PRIM2: variants seen among roughly 807,000 people sequenced by gnomAD.
PRIM2 encodes DNA primase large subunit.
Under a neutral mutation model 67.3 loss-of-function variants are expected in PRIM2, and 39 were observed. The observed-to-expected ratio is 0.58, with a 90% CI of 0.45 to 0.76. The LOEUF is 0.76. PRIM2 is among the 30% of genes least tolerant of loss of function. The pLI is 0.00. For missense variants in PRIM2, 398 were observed against 598.7 expected (o/e 0.66, Z 3.50); for synonymous variants, 143 against 198.7 (o/e 0.72, Z 2.36).
Position 57,400,968 on chromosome 6 carries a change from C to T in PRIM2, c.693+18800C>T, listed in dbSNP as rs1414040388. 8.5e-5 allele frequency among the ~76,000 whole-genome samples: 13 copies of T among 152,148 alleles called. No homozygotes were observed. In the East Asian group the frequency reaches 2.5e-3, roughly 29 times the overall value. On this transcript the variant is annotated intron_variant, in intron 7 of 13. Transcript: ENST00000615550. ...TTATTCAGCCCTGTCAGATGCGTTA[C>T]GTTCTTTTTTATACTGGCTATTTCC...
chr6:57,557,897 C>T (rs1224241401), intron 10 of PRIM2, among the ~76,000 whole-genome samples: 2 of 151,730 alleles, frequency 1.3e-5, no homozygotes, highest in Non-Finnish European at 2.9e-5. Context: ...TCTTTGGAGA[C>T]AGATACCACA....
At chr6:57,550,510 G>T (rs1352412778) in intron 10 of PRIM2, among the ~76,000 whole-genome samples, 1 of 151,910 alleles carries the variant, frequency 6.6e-6, no homozygotes, top group Non-Finnish European at 1.5e-5. Flanking sequence ...CACTATTCTG[G>T]CAAAAATTAG....
intron 8 of PRIM2, among the ~76,000 whole-genome samples, chr6:57,531,678 G>C (rs1453846279): frequency 6.6e-6 from 1 of 151,998 alleles, no homozygotes; most frequent in African/African-American, 2.4e-5. Context: ...ATGGTGCGGT[G>C]AAAAAATGGG....
chr6:57,289,582 G>T, the PRIM2 span, among the ~76,000 whole-genome samples: 3 of 152,180 alleles, frequency 2.0e-5, no homozygotes. Context: ...ACAAAGGGAA[G>T]CCCATCAGAC....
intron 5 of PRIM2, among the ~76,000 whole-genome samples, chr6:57,357,921 G>A (rs1769088450): frequency 2.0e-5 from 3 of 151,982 alleles, no homozygotes; most frequent in Non-Finnish European, 2.9e-5. Context: ...TGTACTTGAG[G>A]GTTATCACCC....
intron 5 of PRIM2, among the ~76,000 whole-genome samples, chr6:57,375,176 C>T (rs77068081): frequency 6.0e-4 from 91 of 152,218 alleles, no homozygotes; most frequent in Middle Eastern, 3.4e-3. Context: ...CAGCTTTTGC[C>T]CATTCAGTAT....
intron 7 of PRIM2, among the ~76,000 whole-genome samples, chr6:57,502,348 A>G (rs1554346945): frequency 2.0e-5 from 3 of 152,080 alleles, no homozygotes; most frequent in Non-Finnish European, 4.4e-5. Flanking sequence ...CAGTTTCCAC[A>G]CAACAGTTTA....
the PRIM2 span, among the ~76,000 whole-genome samples, chr6:57,250,618 A>T: frequency 6.6e-6 from 1 of 152,234 alleles, no homozygotes; most frequent in African/African-American, 2.4e-5. Flanking sequence ...ACAGTTAGTT[A>T]GCCGTATGAA....
the PRIM2 span, among the ~76,000 whole-genome samples, chr6:57,223,236 A>G: frequency 3.3e-5 from 5 of 152,136 alleles, no homozygotes; most frequent in African/African-American, 1.2e-4. Context: ...AACTACAAAA[A>G]CAGAAGAACT....
intron 8 of PRIM2, among the ~76,000 whole-genome samples, chr6:57,530,992 C>G (rs1222214651): frequency 6.6e-6 from 1 of 152,124 alleles, no homozygotes; most frequent in African/African-American, 2.4e-5. Flanking sequence ...TGTGAGCCAG[C>G]TATATTGTGG....
At chr6:57,321,933 CA>C (rs1182650619) in intron 3 of PRIM2, among the ~76,000 whole-genome samples, 1 of 152,006 alleles carries the variant, frequency 6.6e-6, no homozygotes, top group Non-Finnish European at 1.5e-5. Flanking sequence ...CTTTTAACCA[CA>C]ATAGTTTCAG....
chr6:57,335,361 C>T (rs1768197082), intron 5 of PRIM2, among the ~76,000 whole-genome samples: 1 of 152,272 alleles, frequency 6.6e-6, no homozygotes, highest in African/African-American at 2.4e-5. Context: ...GAGCCCACCA[C>T]AGCTCAAGGA....
intron 5 of PRIM2, among the ~76,000 whole-genome samples, chr6:57,359,563 T>C (rs1769132289): frequency 6.6e-6 from 1 of 152,204 alleles, no homozygotes; most frequent in Admixed American, 6.5e-5. Flanking sequence ...TTTTAAACTG[T>C]TAAGTTTTGG....
chr6:57,470,930 G>A (rs1182567324), intron 7 of PRIM2, among the ~76,000 whole-genome samples: 9 of 152,168 alleles, frequency 5.9e-5, no homozygotes, highest in Non-Finnish European at 1.5e-5. Context: ...AAGCTAGAAT[G>A]AGTCCGAATA....
rs1034045103 is a variant in PRIM2 at position 57,317,666 on chromosome 6, C to A, written c.-45C>A. ...CCCGCCACCCGGGAACAGTGGCTGC[C>A]ACCGTTTGTGTTTTCCCGAGTTTGA... On this transcript the variant is annotated 5_prime_UTR_variant, in exon 1 of 14. Coordinates refer to ENST00000615550, the MANE Select transcript of PRIM2 (RefSeq NM_000947.5). 1 of 152,766 alleles carries A rather than the reference C, an allele frequency of 6.5e-6. No individual in the cohort carries two copies. Among genetic ancestry groups the A allele is most frequent in the Admixed American group, 6.5e-5 (1 of 15,280 alleles). The allele number at this position is 152,766 out of a possible 1,614,324, so 9.5% of individuals were successfully genotyped here.
At chr6:57,441,424 G>T (rs12197773) in intron 7 of PRIM2, among the ~76,000 whole-genome samples, 3 of 151,898 alleles carry the variant, frequency 2.0e-5, no homozygotes, top group Non-Finnish European at 4.4e-5. Context: ...GAAAATAATG[G>T]TCTTTTTCTA....
rs532667898 is a variant in PRIM2 at position 57,351,475 on chromosome 6, A to G, written c.459+25430A>G. Among the ~76,000 whole-genome samples the G allele has an allele frequency of 1.3e-3, 192 of 152,276 alleles. 1 individual carries two copies. Among genetic ancestry groups the G allele is most frequent in the African/African-American group, 4.4e-3 (182 of 41,574 alleles). Reference sequence around the variant, plus strand: ...TGACCAAATGAAGGACTGAATGAGGATGTGAACTATATTAGTAGCTGTGAG... The same window carrying G: ...TGACCAAATGAAGGACTGAATGAGGGTGTGAACTATATTAGTAGCTGTGAG... On this transcript the variant is annotated intron_variant, in intron 5 of 13. Transcript: ENST00000615550.
At chr6:57,426,720 G>A (rs1771638623) in intron 7 of PRIM2, among the ~76,000 whole-genome samples, 1 of 152,138 alleles carries the variant, frequency 6.6e-6, no homozygotes, top group Non-Finnish European at 1.5e-5. Flanking sequence ...ATTCATAATA[G>A]CCACAAATTA....
the PRIM2 span, among the ~76,000 whole-genome samples, chr6:57,260,308 T>C: frequency 6.6e-6 from 1 of 152,192 alleles, no homozygotes; most frequent in Non-Finnish European, 1.5e-5. Flanking sequence ...TATTGGACCT[T>C]GAAATATATT....
Sources: allele counts gnomAD v4.1 joint callset (sites outside exome capture counted in the v4.1 genomes callset), GRCh38; gene constraint gnomAD v4.1.1; transcripts MANE v1.5; gene names NCBI Gene and HGNC (gene_info 2026-07-23, HGNC 2026-07-21).